The following GALNT17 variants were observed in gnomAD, a reference collection of about 807,000 sequenced individuals.
GALNT17 encodes the protein UDP-GalNAc:polypeptide N-acetylgalactosaminyltransferase-like 3.
In GALNT17, 29 loss-of-function variants were observed where a neutral mutation model predicts 63.7. That is an observed-to-expected ratio of 0.46 (90% CI 0.34 to 0.62). The LOEUF is 0.62. Among genes scored for constraint, GALNT17 ranks in the 20% least tolerant of loss-of-function variants. The probability of loss-of-function intolerance (pLI) is 0.01; values close to 1 mark genes in which losing one functional copy is unlikely to be tolerated. For synonymous variants in GALNT17, 305 were observed against 318.3 expected, an observed-to-expected ratio of 0.96 and a Z score of 0.45; for missense variants, 603 against 799.6, an observed-to-expected ratio of 0.75 and a Z score of 2.97.
At chr7:71,281,371 A>C (rs1790774524) in intron 1 of GALNT17, among the ~76,000 whole-genome samples, 1 of 152,162 alleles carries the variant, frequency 6.6e-6, no homozygotes, top group Non-Finnish European at 1.5e-5. Context: ...ATTTAGCTAG[A>C]AGGATTTGGC....
At chr7:71,238,727 GT>G (rs1338251437) in intron 1 of GALNT17, among the ~76,000 whole-genome samples, 1 of 152,156 alleles carries the variant, frequency 6.6e-6, no homozygotes, top group Non-Finnish European at 1.5e-5. Flanking sequence ...AGCCTGTCTG[GT>G]GGCCCCGTGG....
At chr7:71,684,433 C>T (rs925061223) in intron 9 of GALNT17, among the ~76,000 whole-genome samples, 2 of 152,196 alleles carry the variant, frequency 1.3e-5, no homozygotes, top group African/African-American at 4.8e-5. Context: ...TCTCAGGTCC[C>T]TACAGCTGAC....
intron 6 of GALNT17, among the ~76,000 whole-genome samples, chr7:71,625,317 T>C (rs1443748573): frequency 6.6e-6 from 1 of 152,088 alleles, no homozygotes; most frequent in Non-Finnish European, 1.5e-5. Flanking sequence ...GCCAATTTTT[T>C]ATATTTTTAG....
intron 5 of GALNT17, among the ~76,000 whole-genome samples, chr7:71,559,682 T>G (rs564466233): frequency 1.3e-5 from 2 of 151,704 alleles, no homozygotes; most frequent in Admixed American, 6.6e-5. Flanking sequence ...GGCAACAGAG[T>G]GGGACCTTGT....
chr7:71,232,201 AG>A (rs1224992114), intron 1 of GALNT17, among the ~76,000 whole-genome samples: 2 of 152,080 alleles, frequency 1.3e-5, no homozygotes, highest in Non-Finnish European at 2.9e-5. Flanking sequence ...CTTCTCTCTG[AG>A]GGGATCTGCC....
intron 5 of GALNT17, among the ~76,000 whole-genome samples, chr7:71,430,084 C>A (rs1271339127): frequency 6.6e-6 from 1 of 152,104 alleles, no homozygotes; most frequent in Non-Finnish European, 1.5e-5. Flanking sequence ...TGGCCTCAAG[C>A]AATCCTCTTC....
intron 6 of GALNT17, among the ~76,000 whole-genome samples, chr7:71,644,145 G>T (rs966904998): frequency 1.3e-5 from 2 of 152,100 alleles, no homozygotes; most frequent in Non-Finnish European, 2.9e-5. Context: ...GCTCCTTTCT[G>T]TAATCCCAGC....
At chr7:71,487,786 T>TGAGAGAAGCCAGAACC (rs1787937067) in intron 5 of GALNT17, among the ~76,000 whole-genome samples, 1 of 152,088 alleles carries the variant, frequency 6.6e-6, no homozygotes, top group Non-Finnish European at 1.5e-5. Context: ...GGTCAGGAAG[T>TGAGAGAAGCCAGAACC]GAGAGAAGCC....
chr7:71,671,731 C>G (rs1336166279), intron 8 of GALNT17, among the ~76,000 whole-genome samples: 1 of 152,176 alleles, frequency 6.6e-6, no homozygotes, highest in South Asian at 2.1e-4. Flanking sequence ...GTTCTTAGAA[C>G]GGTACCTGGC....
chr7:71,405,109 G>A (rs1400136197), intron 3 of GALNT17, among the ~76,000 whole-genome samples: 2 of 152,224 alleles, frequency 1.3e-5, no homozygotes, highest in Non-Finnish European at 2.9e-5. Context: ...GTAATCAGAA[G>A]TGTGGGTGCT....
At chr7:71,505,736 A>T (rs907309692) in intron 5 of GALNT17, among the ~76,000 whole-genome samples, 2 of 152,198 alleles carry the variant, frequency 1.3e-5, no homozygotes, top group Admixed American at 1.3e-4. Context: ...TAACTATGTG[A>T]ATATTTGAGT....
intron 5 of GALNT17, among the ~76,000 whole-genome samples, chr7:71,499,425 T>C (rs535898009): frequency 6.6e-5 from 10 of 152,342 alleles, no homozygotes; most frequent in African/African-American, 2.4e-4. Context: ...ATCACATTTC[T>C]AATCTCAGAT....
At chr7:71,471,424 C>CAAAAACAAAAA (rs1325383544) in intron 5 of GALNT17, among the ~76,000 whole-genome samples, 2 of 133,342 alleles carry the variant, frequency 1.5e-5, no homozygotes, top group African/African-American at 5.6e-5. Context: ...ACAAAAAAAA[C>CAAAAACAAAAA]CAAAAACCAT....
chr7:71,420,507 CA>C (rs1196674949), intron 4 of GALNT17, among the ~76,000 whole-genome samples: 8 of 152,200 alleles, frequency 5.3e-5, no homozygotes, highest in Non-Finnish European at 1.2e-4. Context: ...CGGTGGCAGT[CA>C]GTGCCCTGGG....
chr7:71,435,346 T>A (rs1330929871), intron 5 of GALNT17, among the ~76,000 whole-genome samples: 1 of 152,134 alleles, frequency 6.6e-6, no homozygotes, highest in Non-Finnish European at 1.5e-5. Context: ...TAGTTTATAG[T>A]TTAAAACAAA....
intron 9 of GALNT17, among the ~76,000 whole-genome samples, chr7:71,698,653 C>T (rs547342168): frequency 6.6e-6 from 1 of 152,038 alleles, no homozygotes; most frequent in Admixed American, 6.6e-5. Context: ...GTCAACAAAT[C>T]AACCAAACGC....
At chr7:71,665,125 C>T (rs1017404988) in intron 6 of GALNT17, among the ~76,000 whole-genome samples, 6 of 152,042 alleles carry the variant, frequency 3.9e-5, no homozygotes, top group Non-Finnish European at 7.4e-5. Flanking sequence ...TATAGGCGTG[C>T]GCCATCATGC....
chr7:71,202,371 CT>C (rs1427330730), intron 1 of GALNT17, among the ~76,000 whole-genome samples: 3 of 152,126 alleles, frequency 2.0e-5, no homozygotes, highest in African/African-American at 7.2e-5. Flanking sequence ...GTACACATTT[CT>C]GTTTAAAGGT....
At chr7:71,540,130 A>G (rs1261382697) in intron 5 of GALNT17, among the ~76,000 whole-genome samples, 1 of 27,530 alleles carries the variant, frequency 3.6e-5, no homozygotes, top group Non-Finnish European at 7.5e-5. Context: ...TTTTTTTTTG[A>G]TGGAGTCTCT....
Sources: gnomAD v4.1 joint callset for allele counts (sites outside exome capture counted in the v4.1 genomes callset) on GRCh38, gnomAD v4.1.1 for gene constraint, MANE v1.5 for transcripts, NCBI Gene and HGNC (gene_info 2026-07-23, HGNC 2026-07-21) for gene names.